The following TTC7B variants were observed in gnomAD, a reference collection of about 807,000 sequenced individuals.
TTC7B encodes the protein tetratricopeptide repeat protein 7B.
TTC7B carries 28 observed loss-of-function variants against 106.8 expected under a neutral mutation model. The observed-to-expected ratio is 0.26, with a 90% CI of 0.19 to 0.36. The LOEUF (loss-of-function observed/expected upper bound fraction) is 0.36. Among genes scored for constraint, TTC7B ranks in the 10% least tolerant of loss-of-function variants. The pLI is 1.00. For missense variants in TTC7B, 862 were observed against 1,076.4 expected (o/e 0.80, Z 2.79); for synonymous variants, 405 against 430.6 (o/e 0.94, Z 0.74).
At chr14:90,548,845 C>T (rs570649206) in intron 19 of TTC7B, among the ~76,000 whole-genome samples, 14 of 152,156 alleles carry the variant, frequency 9.2e-5, no homozygotes, top group Non-Finnish European at 1.8e-4. Context: ...TTCTCAGCAT[C>T]GGCTGGGTGC....
chr14:90,617,967 CA>C lies in TTC7B; in HGVS notation c.1829del (p.Leu610ArgfsTer23). 1 of 1,614,014 alleles carries C rather than the reference CA, an allele frequency of 6.2e-7. No homozygotes were observed. Among genetic ancestry groups the C allele is most frequent in the Non-Finnish European group, 8.5e-7 (1 of 1,179,894 alleles). On this transcript the variant is annotated frameshift_variant, in exon 16 of 20. Coordinates refer to ENST00000328459, the MANE Select transcript of TTC7B (RefSeq NM_001010854.2). LOFTEE classifies it high-confidence loss of function. ...DEALLTCKHM[L>X]QIWKSCYNLT... ...GGTTGTAGCAGGATTTCCATATCTG[CA>C]GCATGTGCTTACAAGTCAGCAGTGC...
At chr14:90,643,281 G>C (rs1290606423) in intron 15 of TTC7B, among the ~76,000 whole-genome samples, 1 of 151,918 alleles carries the variant, frequency 6.6e-6, no homozygotes, top group East Asian at 1.9e-4. Flanking sequence ...GGTGGCAGGC[G>C]CCTGTAGTCC....
intron 9 of TTC7B, among the ~76,000 whole-genome samples, chr14:90,670,564 T>G (rs1459916471): frequency 6.6e-6 from 1 of 152,224 alleles, no homozygotes; most frequent in Non-Finnish European, 1.5e-5. Flanking sequence ...CCTAGATTCC[T>G]TGTTTCTCTG....
intron 17 of TTC7B, chr14:90,603,372 C>T: frequency 1.8e-6 from 2 of 1,121,376 alleles, no homozygotes; most frequent in Non-Finnish European, 2.4e-6. Flanking sequence ...AAAATTAAGA[C>T]TAAAAAAGCG....
chr14:90,546,662 C>A (rs1889846411), intron 19 of TTC7B, among the ~76,000 whole-genome samples: 2 of 152,362 alleles, frequency 1.3e-5, no homozygotes, highest in South Asian at 2.1e-4. Flanking sequence ...CTGCTCCCAG[C>A]CATCAGCCTG....
intron 15 of TTC7B, among the ~76,000 whole-genome samples, chr14:90,629,704 A>G (rs185079938): frequency 2.6e-5 from 4 of 152,376 alleles, no homozygotes; most frequent in Admixed American, 2.6e-4. Flanking sequence ...AAAGAAAAGC[A>G]CAAAAATAAA....
intron 19 of TTC7B, among the ~76,000 whole-genome samples, chr14:90,558,745 T>G (rs1266114236): frequency 2.0e-5 from 3 of 152,190 alleles, no homozygotes; most frequent in Non-Finnish European, 4.4e-5. Flanking sequence ...GCGATTCTAG[T>G]GCATTAGCGC....
At position 90,570,356 on chromosome 14, in the gene TTC7B, C is replaced by T. The variant is rs887878824; in HGVS notation, c.2310+7750G>A. 2.0e-5 allele frequency among the ~76,000 whole-genome samples: 3 copies of T among 152,242 alleles called. No homozygotes were observed. Among genetic ancestry groups the T allele is most frequent in the Admixed American group, 1.3e-4 (2 of 15,290 alleles). On this transcript the variant is annotated intron_variant, in intron 19 of 19. Coordinates refer to ENST00000328459, the MANE Select transcript of TTC7B (RefSeq NM_001010854.2). The surrounding 1 kb of genome is among the most constrained non-coding windows in gnomAD (Gnocchi z 4.0). ...GCTGTGCCAAGGCCAAGCCAGCAAA[C>T]ACTCAAAGCCTCTGCACCAAGGCAG...
chr14:90,775,558 C>A (rs930074373), intron 3 of TTC7B, among the ~76,000 whole-genome samples: 1 of 152,116 alleles, frequency 6.6e-6, no homozygotes, highest in African/African-American at 2.4e-5. Flanking sequence ...CTGTAAACCG[C>A]CCGACATGGT....
At chr14:90,661,674 T>C (rs922425501) in intron 9 of TTC7B, among the ~76,000 whole-genome samples, 5 of 152,140 alleles carry the variant, frequency 3.3e-5, no homozygotes, top group Non-Finnish European at 5.9e-5. Flanking sequence ...AACCAATACA[T>C]TGCAATAACA....
intron 13 of TTC7B, chr14:90,647,279 T>C: frequency 2.3e-6 from 1 of 438,292 alleles, no homozygotes; most frequent in South Asian, 2.5e-5. Flanking sequence ...CTGAAGCTTG[T>C]CGGCTTTGCG....
At chr14:90,789,308 G>T (rs985916316) in intron 1 of TTC7B, among the ~76,000 whole-genome samples, 5 of 152,184 alleles carry the variant, frequency 3.3e-5, no homozygotes, top group African/African-American at 1.2e-4. Flanking sequence ...ATGTTGGCCA[G>T]GCTGGTCTTG....
At chr14:90,734,491 A>G (rs1015857548) in intron 4 of TTC7B, among the ~76,000 whole-genome samples, 1 of 152,032 alleles carries the variant, frequency 6.6e-6, no homozygotes, top group African/African-American at 2.4e-5. Flanking sequence ...ATAGGCTGCA[A>G]TGAGCTATGA....
chr14:90,694,025 A>G (rs532891688), intron 6 of TTC7B, among the ~76,000 whole-genome samples: 2 of 152,348 alleles, frequency 1.3e-5, no homozygotes, highest in African/African-American at 4.8e-5. Context: ...ATTTGGCAAT[A>G]AAAAGGAAAG....
chr14:90,770,611 C>A (rs1306699312), intron 3 of TTC7B, among the ~76,000 whole-genome samples: 1 of 151,850 alleles, frequency 6.6e-6, no homozygotes, highest in African/African-American at 2.4e-5. Context: ...CGAGATCACG[C>A]CATTGCACTC....
intron 15 of TTC7B, among the ~76,000 whole-genome samples, chr14:90,629,079 T>C (rs1196185944): frequency 6.6e-6 from 1 of 152,232 alleles, no homozygotes; most frequent in Non-Finnish European, 1.5e-5. Context: ...AAGCAGGCGC[T>C]CTCTACCCAT....
intron 5 of TTC7B, among the ~76,000 whole-genome samples, chr14:90,717,002 C>A (rs1888682053): frequency 6.6e-6 from 1 of 152,118 alleles, no homozygotes; most frequent in Non-Finnish European, 1.5e-5. Context: ...AGTAAAAATT[C>A]AAACCCAAAA....
At chr14:90,595,441 C>G (rs1892163855) in intron 17 of TTC7B, among the ~76,000 whole-genome samples, 1 of 152,180 alleles carries the variant, frequency 6.6e-6, no homozygotes. Context: ...CTTGTTTAGA[C>G]AAAGTATGTC....
chr14:90,602,846 G>T (rs867910031), intron 17 of TTC7B, among the ~76,000 whole-genome samples: 1 of 152,094 alleles, frequency 6.6e-6, no homozygotes, highest in African/African-American at 2.4e-5. Flanking sequence ...AACAATAATG[G>T]TTGGATTAAT....
Sources: allele counts gnomAD v4.1 joint callset (sites outside exome capture counted in the v4.1 genomes callset), GRCh38; gene constraint gnomAD v4.1.1; non-coding constraint Gnocchi (gnomAD v3.1); transcripts MANE v1.5; gene names NCBI Gene and HGNC (gene_info 2026-07-23, HGNC 2026-07-21).